Variants in RNF111 observed in about 807,000 individuals in gnomAD.
RNF111 encodes E3 ubiquitin-protein ligase Arkadia.
RNF111 carries 17 observed loss-of-function variants against 95.1 expected under a neutral mutation model. The observed-to-expected ratio is 0.18, with a 90% confidence interval of 0.12 to 0.27. The LOEUF is 0.27. Ranked by LOEUF, RNF111 falls within the 10% of genes least tolerant of loss-of-function variation. The pLI is 1.00. For missense variants in RNF111, 1,189 were observed against 1,210.4 expected, an observed-to-expected ratio of 0.98 and a Z score of 0.26; for synonymous variants, 440 against 414.8, an observed-to-expected ratio of 1.06 and a Z score of -0.74.
At chr15:59,071,131 A>G (rs1247330700) in intron 6 of RNF111, among the ~76,000 whole-genome samples, 2 of 151,654 alleles carry the variant, frequency 1.3e-5, no homozygotes, top group Non-Finnish European at 2.9e-5. Flanking sequence ...CCCTGTCTCT[A>G]CTAAGTATAC....
At chr15:59,018,016 C>A (rs1407591211) in intron 1 of RNF111, among the ~76,000 whole-genome samples, 1 of 152,078 alleles carries the variant, frequency 6.6e-6, no homozygotes, top group East Asian at 1.9e-4. Context: ...GCCTCAGCCT[C>A]CCAAAGCGCT....
At chr15:59,051,511 C>CA (rs2041982938) in intron 2 of RNF111, among the ~76,000 whole-genome samples, 1 of 150,604 alleles carries the variant, frequency 6.6e-6, no homozygotes, top group Non-Finnish European at 1.5e-5. Context: ...TGCAGTGGCT[C>CA]ACGCCTATAA....
intron 3 of RNF111, 101 bp from the exon 4 acceptor site, chr15:59,055,581 G>A (rs968738485): frequency 1.4e-5 from 12 of 880,666 alleles, no homozygotes; most frequent in Non-Finnish European, 2.0e-5. Context: ...GAGAAATCTT[G>A]TATGAAAAAC....
At chr15:59,075,854 A>G in intron 6 of RNF111, 100 bp from the exon 7 acceptor site, 1 of 1,283,050 alleles carries the variant, frequency 7.8e-7, no homozygotes, top group Non-Finnish European at 1.1e-6. Flanking sequence ...ACTAATTTAA[A>G]GATTATGTTT....
At chr15:59,082,587 T>C (rs1012269256) in intron 8 of RNF111, among the ~76,000 whole-genome samples, 158 of 152,330 alleles carry the variant, frequency 1.0e-3, no homozygotes, top group African/African-American at 3.7e-3. Context: ...CAAAATTTTA[T>C]TGGAAAACAG....
chr15:59,001,945 A>G (rs1454355802), intron 1 of RNF111, among the ~76,000 whole-genome samples: 2 of 152,194 alleles, frequency 1.3e-5, no homozygotes, highest in Non-Finnish European at 2.9e-5. Context: ...ATTTATAACT[A>G]TATTTAATAA....
chr15:59,013,153 AG>A (rs1487594261), intron 1 of RNF111, among the ~76,000 whole-genome samples: 1 of 152,220 alleles, frequency 6.6e-6, no homozygotes, highest in Non-Finnish European at 1.5e-5. Flanking sequence ...CCTAGGGATC[AG>A]GGGAAGTTTG....
At chr15:59,049,032 T>C (rs2041843224) in intron 2 of RNF111, among the ~76,000 whole-genome samples, 1 of 152,068 alleles carries the variant, frequency 6.6e-6, no homozygotes, top group Non-Finnish European at 1.5e-5. Flanking sequence ...GCCCAGGAGA[T>C]TGACGGCATG....
intron 1 of RNF111, among the ~76,000 whole-genome samples, chr15:59,025,548 TAAAA>T (rs2040558090): frequency 6.6e-6 from 1 of 152,178 alleles, no homozygotes; most frequent in African/African-American, 2.4e-5. Flanking sequence ...TGGCACATAG[TAAAA>T]TAAATAAGAG....
intron 2 of RNF111, among the ~76,000 whole-genome samples, chr15:59,042,052 G>A (rs537515350): frequency 7.0e-6 from 1 of 142,424 alleles, no homozygotes; most frequent in South Asian, 2.2e-4. Flanking sequence ...TATTAGCAAT[G>A]TAAGTCCTAT....
chr15:58,990,676 A>G lies in RNF111; in HGVS notation c.-20+2608A>G, dbSNP rs546459755. On this transcript the variant is annotated intron_variant, in intron 1 of 13. Transcript: ENST00000348370. ...CTCAAAACAAACAAACAAAAAAACT[A>G]TGATTGTTGTTCCACATATTATTGC... is the stretch of plus-strand genomic sequence containing the variant. 9.2e-4 allele frequency among the ~76,000 whole-genome samples: 140 copies of G among 152,284 alleles called. No individual in the cohort carries two copies. In the Middle Eastern group the frequency reaches 0.017, roughly 18 times the overall value.
At chr15:59,026,032 CT>C (rs1191691332) in intron 1 of RNF111, among the ~76,000 whole-genome samples, 66 of 145,252 alleles carry the variant, frequency 4.5e-4, no homozygotes, top group Non-Finnish European at 3.8e-4. Context: ...GCCCGGCCGG[CT>C]TTTTTTTTTT....
At chr15:59,048,845 T>TG in intron 2 of RNF111, among the ~76,000 whole-genome samples, 1 of 152,226 alleles carries the variant, frequency 6.6e-6, no homozygotes, top group South Asian at 2.1e-4. Context: ...CCCAGCACTT[T>TG]GGGGGACTGA....
intron 1 of RNF111, among the ~76,000 whole-genome samples, chr15:58,994,060 T>C (rs2038937845): frequency 7.5e-6 from 1 of 132,492 alleles, no homozygotes; most frequent in East Asian, 2.5e-4. Flanking sequence ...TTTTTTTTAA[T>C]GGAGTCTCAC....
At position 59,081,189 on chromosome 15, in the gene RNF111, T is replaced by A. The variant is rs1438844344; in HGVS notation, c.2202T>A (p.His734Gln). ...LPPTHQPISHHIPATAPPAQR... is the reference protein window; with the variant it reads ...LPPTHQPISHQIPATAPPAQR... ...CTACACACCAGCCAATTTCGCACCATATTCCAGCCACAGCACCTCCAGCAC... is the reference window on the plus strand; with the variant it reads ...CTACACACCAGCCAATTTCGCACCAAATTCCAGCCACAGCACCTCCAGCAC... Residue 734 changes from histidine to glutamine, a missense_variant, in exon 8 of 14, where the codon CAT (histidine) becomes CAA (glutamine). By Grantham distance (24) the His-to-Gln change is conservative (BLOSUM62 0). Transcript: ENST00000348370. 1 of 1,614,044 alleles carries A rather than the reference T, an allele frequency of 6.2e-7. No homozygotes were observed. Among genetic ancestry groups the A allele is most frequent in the African/African-American group, 1.3e-5 (1 of 74,934 alleles).
At position 59,052,188 on chromosome 15, in the gene RNF111, G is replaced by A. The variant is rs977986264; in HGVS notation, c.881-117G>A. The A allele has an allele frequency of 1.6e-5, 15 of 926,390 alleles. No homozygotes were observed. In the African/African-American group the frequency reaches 2.2e-4, roughly 14 times the overall value. 57.4% of individuals were successfully genotyped at this position (926,390 alleles called of 1,614,324 possible). Reference sequence around the variant, plus strand: ...ATTTTTTTAAAAAACCTTTTTGACAGATAAGATTTTTATTTTTGCAATGAA... The same window carrying A: ...ATTTTTTTAAAAAACCTTTTTGACAAATAAGATTTTTATTTTTGCAATGAA... On this transcript the variant is annotated intron_variant, in intron 2 of 13. Transcript: ENST00000348370.
intron 1 of RNF111, among the ~76,000 whole-genome samples, chr15:58,995,322 T>C (rs549699097): frequency 6.6e-6 from 1 of 152,368 alleles, no homozygotes; most frequent in South Asian, 2.1e-4. Flanking sequence ...TTTATCTGAT[T>C]AATACAGAAT....
intron 2 of RNF111, among the ~76,000 whole-genome samples, chr15:59,039,056 C>G (rs1481052620): frequency 6.6e-6 from 1 of 152,146 alleles, no homozygotes; most frequent in Non-Finnish European, 1.5e-5. Context: ...CCTCTGCCTC[C>G]CGTGTTCAAG....
intron 11 of RNF111, 64 bp downstream of exon 11, chr15:59,089,823 T>G (rs900103117): frequency 2.4e-5 from 26 of 1,066,798 alleles, no homozygotes; most frequent in South Asian, 1.8e-4. Flanking sequence ...AGTATATATA[T>G]ACTACTATAC....
Sources: allele counts gnomAD v4.1 joint callset (sites outside exome capture counted in the v4.1 genomes callset), GRCh38; gene constraint gnomAD v4.1.1; transcripts MANE v1.5; gene names NCBI Gene and HGNC (gene_info 2026-07-23, HGNC 2026-07-21).